Variants in MGRN1 observed in about 807,000 individuals in gnomAD.
The protein encoded by MGRN1 is mahogunin ring finger 1.
In MGRN1, 29 loss-of-function variants were observed where a neutral mutation model predicts 69.2. The ratio of observed to expected loss-of-function variants is 0.42; its 90% confidence interval spans 0.31 to 0.57. The LOEUF (loss-of-function observed/expected upper bound fraction) is 0.57. MGRN1 is among the 20% of genes least tolerant of loss of function. The probability of loss-of-function intolerance (pLI) is 0.15; values close to 1 mark genes in which losing one functional copy is unlikely to be tolerated. For synonymous variants in MGRN1, 470 were observed against 344.2 expected (o/e 1.37, Z -4.04); for missense variants, 998 against 796.2 (o/e 1.25, Z -3.05).
chr16:4,652,190 G>T, intron 3 of MGRN1, 139 bp downstream of exon 3: 1 of 762,572 alleles, frequency 1.3e-6, no homozygotes, highest in South Asian at 1.7e-5. Flanking sequence ...ATGAGAGGCT[G>T]TCCTGGGCTG....
chr16:4,680,265 A>T lies in MGRN1; in HGVS notation c.1131+168A>T, dbSNP rs2079150633. 1.9e-5 allele frequency: 13 copies of T among 674,768 alleles called. No individual in the cohort carries two copies. The Admixed American group carries it at 3.7e-4, about 19-fold the overall frequency. 41.8% of individuals were successfully genotyped at this position (674,768 alleles called of 1,614,324 possible). ...CTGCCCAGGGAGTTTGTGGAACCGG[A>T]AAAGCTCTCGGTCCGTGGGCGAAAC... On this transcript the variant is annotated intron_variant, in intron 12 of 16. Transcript: ENST00000262370.
rs543111453 is a variant in MGRN1, at chr16:4,647,516, G to T, written c.89-2849G>T. Among the ~76,000 whole-genome samples the T allele has an allele frequency of 4.6e-5, 7 of 152,334 alleles. No individual in the cohort carries two copies. The East Asian group carries it at 1.3e-3, about 29-fold the overall frequency. The stretch of plus-strand genomic sequence containing the variant: ...ATAGGCTTTGCTCCACCCCTCGTCT[G>T]CTCTGCACCAATTTCCCTGGCAGCC... On this transcript the variant is annotated intron_variant, in intron 1 of 16. Transcript: ENST00000262370.
chr16:4,667,287 T>G (rs942240708), intron 7 of MGRN1, among the ~76,000 whole-genome samples: 1 of 152,136 alleles, frequency 6.6e-6, no homozygotes, highest in East Asian at 1.9e-4. Flanking sequence ...GGGGTTCTGT[T>G]AGCTGGGTAG....
At chr16:4,678,223 C>A (rs1278899369) in intron 11 of MGRN1, among the ~76,000 whole-genome samples, 5 of 152,252 alleles carry the variant, frequency 3.3e-5, no homozygotes, top group Non-Finnish European at 7.3e-5. Flanking sequence ...CCTCCTCCCA[C>A]GCTCCAGGCC....
At chr16:4,678,007 C>G (rs946027444) in intron 11 of MGRN1, among the ~76,000 whole-genome samples, 3 of 151,952 alleles carry the variant, frequency 2.0e-5, no homozygotes, top group Non-Finnish European at 4.4e-5. Context: ...ACCACCACGC[C>G]GAGCTAATGT....
chr16:4,664,866 G>T, intron 6 of MGRN1, 91 bp downstream of exon 6: 1 of 1,527,398 alleles, frequency 6.5e-7, no homozygotes, highest in Non-Finnish European at 9.1e-7. Flanking sequence ...CAGTGATGAA[G>T]CAGGCCAGGC....
intron 16 of MGRN1, chr16:4,687,489 C>G (rs1460402980): frequency 2.0e-6 from 2 of 976,426 alleles, no homozygotes; most frequent in African/African-American, 1.8e-5. Context: ...AAGGCCCACT[C>G]CAGCCTGAGA....
intron 11 of MGRN1, 148 bp downstream of exon 11, chr16:4,677,720 G>C (rs1285305826): frequency 1.3e-6 from 1 of 755,130 alleles, no homozygotes; most frequent in Non-Finnish European, 2.1e-6. Flanking sequence ...TGTGAGGCAT[G>C]AAGGGGGTGG....
At chr16:4,643,677 C>A (rs182346779) in intron 1 of MGRN1, among the ~76,000 whole-genome samples, 2 of 152,102 alleles carry the variant, frequency 1.3e-5, no homozygotes, top group African/African-American at 4.8e-5. Flanking sequence ...TGGCAAAAAT[C>A]TTGTATTGAT....
intron 4 of MGRN1, among the ~76,000 whole-genome samples, chr16:4,654,568 C>G (rs2078487427): frequency 6.6e-6 from 1 of 152,218 alleles, no homozygotes; most frequent in Non-Finnish European, 1.5e-5. Context: ...CAGTGGTCAG[C>G]TTTGCATCTG....
chr16:4,679,902 C>T (rs949907816), intron 11 of MGRN1, 130 bp from the exon 12 acceptor site: 10 of 874,542 alleles, frequency 1.1e-5, no homozygotes, highest in Non-Finnish European at 1.8e-5. Flanking sequence ...TCCCGAGATT[C>T]ACGTCCCCCG....
intron 11 of MGRN1, among the ~76,000 whole-genome samples, chr16:4,677,998 C>T (rs890810764): frequency 6.6e-5 from 10 of 152,094 alleles, no homozygotes; most frequent in Non-Finnish European, 1.3e-4. Context: ...CGGGCGTGTA[C>T]CACCACGCCG....
At chr16:4,683,372 T>C in intron 15 of MGRN1, 103 bp downstream of exon 15, 2 of 1,389,672 alleles carry the variant, frequency 1.4e-6, no homozygotes, top group Non-Finnish European at 2.0e-6. Context: ...GCACCTCTTC[T>C]GCCCCAGGAA....
intron 11 of MGRN1, among the ~76,000 whole-genome samples, chr16:4,679,813 T>C (rs2141971018): frequency 6.6e-6 from 1 of 152,232 alleles, no homozygotes; most frequent in South Asian, 2.1e-4. Context: ...GCCTCCCCAC[T>C]GCAGCAGCAC....
At chr16:4,682,712 G>A in intron 13 of MGRN1, 111 bp from the exon 14 acceptor site, 1 of 1,258,828 alleles carries the variant, frequency 7.9e-7, no homozygotes. Context: ...TCCTTGCGTG[G>A]GTCCTGGCAG....
intron 12 of MGRN1, 81 bp downstream of exon 12, chr16:4,680,178 C>T (rs201029620): frequency 3.2e-5 from 44 of 1,381,478 alleles, no homozygotes; most frequent in Non-Finnish European, 4.1e-5. Context: ...AGATCGTTTC[C>T]GCCCCAGGCT....
chr16:4,668,487 TCAGA>T (rs1202441173), intron 8 of MGRN1, among the ~76,000 whole-genome samples, 175 bp downstream of exon 8: 10 of 150,338 alleles, frequency 6.7e-5, no homozygotes, highest in East Asian at 6.1e-4. Flanking sequence ...ATACATACCA[TCAGA>T]CACTCACATT....
At chr16:4,630,417 TC>T (rs1897940527) in intron 1 of MGRN1, among the ~76,000 whole-genome samples, 1 of 151,530 alleles carries the variant, frequency 6.6e-6, no homozygotes, top group Non-Finnish European at 1.5e-5. Flanking sequence ...ACAAAGATTT[TC>T]TCCTATTTTT....
chr16:4,669,431 C>CAAAAAA (rs58001283), intron 8 of MGRN1, among the ~76,000 whole-genome samples: 7 of 93,024 alleles, frequency 7.5e-5, no homozygotes, highest in African/African-American at 1.2e-4. Context: ...AAGACTGTGT[C>CAAAAAA]AAAAAAAAAA....
Sources: allele counts gnomAD v4.1 joint callset (sites outside exome capture counted in the v4.1 genomes callset), GRCh38; gene constraint gnomAD v4.1.1; transcripts MANE v1.5; gene names NCBI Gene and HGNC (gene_info 2026-07-23, HGNC 2026-07-21).